Variants in DEPDC5 observed in about 807,000 individuals in gnomAD.
The protein encoded by DEPDC5 is DEP domain containing 5, GATOR1 subcomplex subunit.
In DEPDC5, 73 loss-of-function variants were observed where a neutral mutation model predicts 217.3. The ratio of observed to expected loss-of-function variants is 0.34; its 90% CI spans 0.28 to 0.41. The LOEUF is 0.41. Ranked by LOEUF, DEPDC5 falls within the 10% of genes least tolerant of loss-of-function variation. The pLI is 1.00. For missense variants in DEPDC5, 1,675 were observed against 2,070.1 expected, an observed-to-expected ratio of 0.81 and a Z score of 3.70; for synonymous variants, 733 against 756.7, an observed-to-expected ratio of 0.97 and a Z score of 0.51.
In DEPDC5 at chr22:31,758,598, C is replaced by T; in HGVS notation, c.111C>T (p.Asp37=). The T allele has an allele frequency of 1.2e-6, 2 of 1,614,124 alleles. No homozygotes were observed. Among genetic ancestry groups the T allele is most frequent in the Non-Finnish European group, 1.7e-6 (2 of 1,180,012 alleles). ...TGTTCCCTCACATCAAGCTTGGAGACATTGTAGAGATTGCACACCCCAACG... is the reference window on the plus strand; with the variant it reads ...TGTTCCCTCACATCAAGCTTGGAGATATTGTAGAGATTGCACACCCCAACG... The part of the protein sequence containing the change: ...PKVFPHIKLG[D]IVEIAHPNDE... The change falls in exon 3 of 43, where the codon GAC becomes GAT. Residue 37 remains aspartate (D), a synonymous_variant. Transcript: ENST00000651528.
intron 12 of DEPDC5, among the ~76,000 whole-genome samples, chr22:31,797,137 C>G (rs1455349893): frequency 6.6e-6 from 1 of 151,684 alleles, no homozygotes; most frequent in East Asian, 1.9e-4. Flanking sequence ...TCACTGTACT[C>G]CAATTACACT....
At position 31,870,738 on chromosome 22, in the gene DEPDC5, A is replaced by T. The variant is rs1419496771; in HGVS notation, c.3479A>T (p.Asp1160Val). ...GGCTACTCCTCCACAAACTCCAGTG[A>T]CAGCAGGTGAGATTCAGAGTGGCCA... ...EQGYSSTNSS[D>V]SSSQQLVASS... is the part of the protein sequence containing the mutation. The change falls in exon 34 of 43, where the codon GAC becomes GTC. Residue 1160 changes from aspartate (D) to valine (V), a missense_variant. By Grantham distance (152) the Asp-to-Val change is radical. Around this residue, in one of 11 missense-constraint regions of DEPDC5, gnomAD observed 194 missense variants for 199.3 expected, o/e 0.97. Transcript: ENST00000651528. The T allele has an allele frequency of 6.4e-7, 1 of 1,566,478 alleles. No homozygotes were observed.
intron 41 of DEPDC5, among the ~76,000 whole-genome samples, chr22:31,903,383 C>CACCTTCTGTACCT (rs74221802): frequency 1.1e-4 from 1 of 8,872 alleles, no homozygotes; most frequent in Non-Finnish European, 2.3e-4. Context: ...CCTAAACCCC[C>CACCTTCTGTACCT]CCACCTTCCA....
intron 39 of DEPDC5, among the ~76,000 whole-genome samples, chr22:31,896,780 C>G (rs987683366): frequency 6.6e-6 from 1 of 152,134 alleles, no homozygotes; most frequent in Admixed American, 6.5e-5. Context: ...TCTCAGCCAG[C>G]CTGAGTGAGT....
chr22:31,812,118 A>G (rs565651352), intron 20 of DEPDC5, among the ~76,000 whole-genome samples: 21 of 151,478 alleles, frequency 1.4e-4, no homozygotes, highest in African/African-American at 3.9e-4. Context: ...CCTCCCAAGT[A>G]ACTGGGACTA....
chr22:31,822,114 CTT>C (rs1458083150), intron 23 of DEPDC5, among the ~76,000 whole-genome samples: 3 of 152,216 alleles, frequency 2.0e-5, no homozygotes, highest in African/African-American at 7.2e-5. Context: ...AGAAACAACT[CTT>C]TTTGAACCAA....
At chr22:31,767,981 G>A (rs920383157) in intron 6 of DEPDC5, among the ~76,000 whole-genome samples, 1 of 151,474 alleles carries the variant, frequency 6.6e-6, no homozygotes, top group Non-Finnish European at 1.5e-5. Context: ...TCCTGACCTC[G>A]TGATCGTCCC....
At chr22:31,799,534 A>G (rs1259371431) in intron 14 of DEPDC5, among the ~76,000 whole-genome samples, 2 of 146,844 alleles carry the variant, frequency 1.4e-5, no homozygotes, top group Non-Finnish European at 3.0e-5. Context: ...CCAGGCTGGA[A>G]TGTAGTGGTG....
At chr22:31,869,301 C>A (rs1159087202) in intron 33 of DEPDC5, among the ~76,000 whole-genome samples, 4 of 151,460 alleles carry the variant, frequency 2.6e-5, no homozygotes, top group African/African-American at 4.9e-5. Context: ...CTACCAGAAG[C>A]TCATAGAGGT....
At chr22:31,843,280 T>A in intron 28 of DEPDC5, 68 bp downstream of exon 28, 1 of 1,454,506 alleles carries the variant, frequency 6.9e-7, no homozygotes, top group Non-Finnish European at 9.5e-7. Flanking sequence ...AAATTGTGTG[T>A]ATAGTACATC....
At chr22:31,760,828 T>C in intron 4 of DEPDC5, 126 bp downstream of exon 4, 2 of 771,694 alleles carry the variant, frequency 2.6e-6, no homozygotes, top group East Asian at 5.4e-5. Flanking sequence ...AATTTTAATT[T>C]AACTTTCAAT....
intron 12 of DEPDC5, 38 bp downstream of exon 12, chr22:31,792,855 A>T (rs1206314487): frequency 6.3e-6 from 9 of 1,437,950 alleles, no homozygotes; most frequent in Non-Finnish European, 8.3e-6. Flanking sequence ...TTATTTATTT[A>T]TTAGTTGTTT....
intron 41 of DEPDC5, among the ~76,000 whole-genome samples, chr22:31,902,408 T>TTATTTATATATA (rs1555938650): frequency 2.7e-5 from 3 of 111,926 alleles, no homozygotes; most frequent in African/African-American, 1.0e-4. Context: ...CATCTCCTTA[T>TTATTTATATATA]TATATATATA....
At chr22:31,813,020 G>A (rs1568986467) in intron 20 of DEPDC5, among the ~76,000 whole-genome samples, 1 of 152,178 alleles carries the variant, frequency 6.6e-6, no homozygotes, top group Non-Finnish European at 1.5e-5. Flanking sequence ...GATTATAGGT[G>A]TGAGCCACTG....
At chr22:31,785,879 A>G (rs1329901699) in intron 10 of DEPDC5, among the ~76,000 whole-genome samples, 1 of 152,196 alleles carries the variant, frequency 6.6e-6, no homozygotes, top group African/African-American at 2.4e-5. Context: ...TTATTCTGGA[A>G]CAACTGAATG....
intron 37 of DEPDC5, among the ~76,000 whole-genome samples, chr22:31,876,744 G>GT (rs1295326116): frequency 5.3e-5 from 8 of 151,774 alleles, no homozygotes; most frequent in South Asian, 2.1e-4. Context: ...TATCTGTGGG[G>GT]TTTTTTTTCT....
At chr22:31,871,197 C>G (rs893353920) in intron 34 of DEPDC5, among the ~76,000 whole-genome samples, 1 of 152,226 alleles carries the variant, frequency 6.6e-6, no homozygotes, top group Non-Finnish European at 1.5e-5. Flanking sequence ...TTCATTTGCT[C>G]GAGCAAGTGC....
intron 23 of DEPDC5, among the ~76,000 whole-genome samples, chr22:31,822,207 G>C (rs2089759891): frequency 6.6e-6 from 1 of 152,342 alleles, no homozygotes; most frequent in Non-Finnish European, 1.5e-5. Flanking sequence ...GTGAGCCCGG[G>C]TTACACCTGG....
chr22:31,792,872 T>C, intron 12 of DEPDC5, 55 bp downstream of exon 12: 2 of 1,388,998 alleles, frequency 1.4e-6, no homozygotes, highest in Non-Finnish European at 1.9e-6. Flanking sequence ...GTTTCTTTCC[T>C]AACTTAAAAA....
Sources: gnomAD v4.1 joint callset for allele counts (sites outside exome capture counted in the v4.1 genomes callset) on GRCh38, gnomAD v4.1.1 for gene constraint, gnomAD v4.1.1 regional missense constraint, MANE v1.5 for transcripts, NCBI Gene and HGNC (gene_info 2026-07-23, HGNC 2026-07-21) for gene names.